PARD6B: variants seen among roughly 807,000 people sequenced by gnomAD.
PARD6B encodes the protein partitioning defective 6 homolog beta.
Under a neutral mutation model 10.5 loss-of-function variants are expected in PARD6B, and 4 were observed. The observed-to-expected ratio is 0.38, with a 90% CI of 0.19 to 0.87. The LOEUF is 0.87. PARD6B is among the 40% of genes least tolerant of loss of function. The pLI, the probability that PARD6B is intolerant of heterozygous loss-of-function variation, is 0.41. For synonymous variants in PARD6B, 169 were observed against 170.4 expected, an observed-to-expected ratio of 0.99 and a Z score of 0.07; for missense variants, 396 against 470.6, an observed-to-expected ratio of 0.84 and a Z score of 1.47.
In PARD6B at chr20:50,753,609, C is replaced by G. The variant is rs192761698; in HGVS notation, c.*3121C>G. 4,226 of 809,676 alleles carry G rather than the reference C, an allele frequency of 5.2e-3. 14 individuals carry two copies. The highest frequency in any genetic ancestry group is 6.1e-3 in the Non-Finnish European group (4,075 of 669,544). 50.2% of individuals were successfully genotyped at this position (809,676 alleles called of 1,614,324 possible). On this transcript the variant is annotated 3_prime_UTR_variant, in exon 3 of 3. Coordinates refer to ENST00000371610, the MANE Select transcript of PARD6B (RefSeq NM_032521.3). ...TGAATGATACTTTGTTTATAACTAT[C>G]AAATGTCAGTATTTTACTACAATTT...
chr20:50,749,740 A>G lies in PARD6B; in HGVS notation c.371A>G (p.Asn124Ser), dbSNP rs1406850025. 2 of 1,614,168 alleles carry G rather than the reference A, an allele frequency of 1.2e-6. No homozygotes were observed. The highest frequency in any genetic ancestry group is 1.1e-5 in the South Asian group (1 of 91,052). The change falls in exon 3 of 3, where the codon AAC (asparagine) becomes AGC (serine). Residue 124 changes from asparagine to serine, a missense_variant. By Grantham distance (46) the Asn-to-Ser change is conservative (BLOSUM62 1). Coordinates refer to ENST00000371610, the MANE Select transcript of PARD6B (RefSeq NM_032521.3). ...NVLTNVLRPD[N>S]HRKKPHIVIS... is the part of the protein sequence containing the mutation. The stretch of plus-strand genomic sequence containing the variant: ...TTAACCAACGTATTGCGTCCTGACA[A>G]CCATAGAAAAAAGCCACATATAGTC...
Position 50,751,825 on chromosome 20 carries a change from C to G in PARD6B, c.*1337C>G. ...CAAGCAATTCTCCTGCCTCAGCCTT[C>G]TGAGTAGCTAAGATTACAGGTGTGC... On this transcript the variant is annotated 3_prime_UTR_variant, in exon 3 of 3. Coordinates refer to ENST00000371610, the MANE Select transcript of PARD6B (RefSeq NM_032521.3). 1.1e-6 allele frequency: 1 copy of G among 910,734 alleles called. No homozygotes were observed. The highest frequency in any genetic ancestry group is 1.3e-6 in the Non-Finnish European group (1 of 763,322). 56.4% of individuals were successfully genotyped at this position (910,734 alleles called of 1,614,324 possible).
intron 1 of PARD6B, among the ~76,000 whole-genome samples, 162 bp from the exon 2 acceptor site, chr20:50,737,695 G>A (rs2087506936): frequency 6.6e-6 from 1 of 152,058 alleles, no homozygotes; most frequent in Admixed American, 6.6e-5. Context: ...GCCTTTCTTA[G>A]GCTTTTTAAA....
At position 50,751,031 on chromosome 20, in the gene PARD6B, A is replaced by G. The variant is rs201112385; in HGVS notation, c.*543A>G. ...GTTGCCCACACTGGAATGCAGTGGC[A>G]TGATCACAGCTCTCTGCAGCCTCAA... On this transcript the variant is annotated 3_prime_UTR_variant, in exon 3 of 3. Transcript: ENST00000371610. 34 of 593,598 alleles carry G rather than the reference A, an allele frequency of 5.7e-5. 1 individual carries two copies. The highest frequency in any genetic ancestry group is 7.0e-5 in the Non-Finnish European group (34 of 489,090). The allele number at this position is 593,598 out of a possible 1,614,324, so 36.8% of individuals were successfully genotyped here. A position where few individuals can be genotyped will look rare whatever the true frequency, so the allele number is the denominator to read the frequency against.
rs11467364 is a variant in PARD6B at position 50,751,350 on chromosome 20, CTTTTTTT to C, written c.*879_*885del. 682 of 707,318 alleles carry C rather than the reference CTTTTTTT, an allele frequency of 9.6e-4. No individual in the cohort carries two copies. The highest frequency in any genetic ancestry group is 1.0e-3 in the Non-Finnish European group (626 of 624,538). The allele number at this position is 707,318 out of a possible 1,614,324, so 43.8% of individuals were successfully genotyped here. On this transcript the variant is annotated 3_prime_UTR_variant, in exon 3 of 3. Transcript: ENST00000371610. ...ATTTCCAGTTTCTTTTCTTTTCTTT[CTTTTTTT>C]TTTTTTTTTTTTTTTTGAGATGGAG...
rs2087472115 is a variant in PARD6B at position 50,731,773 on chromosome 20, GC to G, written c.-13del. 1 of 1,451,462 alleles carries G rather than the reference GC, an allele frequency of 6.9e-7. No homozygotes were observed. The highest frequency in any genetic ancestry group is 1.5e-5 in the African/African-American group (1 of 67,674). 89.9% of individuals were successfully genotyped at this position (1,451,462 alleles called of 1,614,324 possible). The stretch of plus-strand genomic sequence containing the variant: ...CCCGGCCGGAGGAGGCCGTCGCGGG[GC>G]TCGGCGTTCAGCATGAACCGCAGCC... On this transcript the variant is annotated 5_prime_UTR_variant, in exon 1 of 3. Coordinates refer to ENST00000371610, the MANE Select transcript of PARD6B (RefSeq NM_032521.3).
Position 50,749,747 on chromosome 20 carries a change from A to G in PARD6B, c.378A>G (p.Arg126=). Residue 126 remains arginine, a synonymous_variant, in exon 3 of 3, where the codon AGA becomes AGG. Transcript: ENST00000371610. ...ACGTATTGCGTCCTGACAACCATAG[A>G]AAAAAGCCACATATAGTCATTAGTA... The part of the protein sequence containing the change: ...LTNVLRPDNH[R]KKPHIVISMP... 1.2e-6 allele frequency: 2 copies of G among 1,614,162 alleles called. No individual in the cohort carries two copies. The highest frequency in any genetic ancestry group is 1.7e-6 in the Non-Finnish European group (2 of 1,180,030).
In PARD6B at chr20:50,752,881, T is replaced by A; in HGVS notation, c.*2393T>A. 2 of 982,756 alleles carry A rather than the reference T, an allele frequency of 2.0e-6. No individual in the cohort carries two copies. The highest frequency in any genetic ancestry group is 1.2e-6 in the Non-Finnish European group (1 of 827,102). 60.9% of individuals were successfully genotyped at this position (982,756 alleles called of 1,614,324 possible). The stretch of plus-strand genomic sequence containing the variant: ...TTATGTAATACGTTGTACTTTTTGT[T>A]GAATTCACCGAAGTTCTTCCATTTA... On this transcript the variant is annotated 3_prime_UTR_variant, in exon 3 of 3. Coordinates refer to ENST00000371610, the MANE Select transcript of PARD6B (RefSeq NM_032521.3).
chr20:50,750,948 ATTTTGATT>A lies in PARD6B; in HGVS notation c.*465_*472del. The A allele has an allele frequency of 6.3e-6, 2 of 315,500 alleles. No individual in the cohort carries two copies. Among genetic ancestry groups the A allele is most frequent in the Non-Finnish European group, 7.5e-6 (2 of 265,884 alleles). 19.5% of individuals were successfully genotyped at this position (315,500 alleles called of 1,614,324 possible). On this transcript the variant is annotated 3_prime_UTR_variant, in exon 3 of 3. Transcript: ENST00000371610. ...AAAGGTCTCATGTTCCCAATATTTT[ATTTTGATT>A]TTTTTTTTTTTTTTTTTTTTTTTTT... is the stretch of plus-strand genomic sequence containing the variant.
chr20:50,751,849 G>A lies in PARD6B; in HGVS notation c.*1361G>A, dbSNP rs1361899974. 2.3e-6 allele frequency: 2 copies of A among 868,958 alleles called. No homozygotes were observed. Among genetic ancestry groups the A allele is most frequent in the African/African-American group, 3.7e-5 (2 of 54,462 alleles). The allele number at this position is 868,958 out of a possible 1,614,324, so 53.8% of individuals were successfully genotyped here. ...TCTGAGTAGCTAAGATTACAGGTGT[G>A]CGCCAACACGTCTGGCTTATTTTTT... On this transcript the variant is annotated 3_prime_UTR_variant, in exon 3 of 3. Coordinates refer to ENST00000371610, the MANE Select transcript of PARD6B (RefSeq NM_032521.3).
rs1301907858 is a variant in PARD6B, at chr20:50,753,392, C to T, written c.*2904C>T. ...GGCTGAATCAATTATTTCAAGTGCA[C>T]CTTATTAACAAAAGTATCAGTGGAT... is the stretch of plus-strand genomic sequence containing the variant. On this transcript the variant is annotated 3_prime_UTR_variant, in exon 3 of 3. Coordinates refer to ENST00000371610, the MANE Select transcript of PARD6B (RefSeq NM_032521.3). 5.1e-6 allele frequency: 5 copies of T among 984,360 alleles called. No individual in the cohort carries two copies. The highest frequency in any genetic ancestry group is 9.4e-5 in the South Asian group (2 of 21,256). 61.0% of individuals were successfully genotyped at this position (984,360 alleles called of 1,614,324 possible).
At chr20:50,746,536 C>T (rs1261148891) in intron 2 of PARD6B, among the ~76,000 whole-genome samples, 1 of 152,268 alleles carries the variant, frequency 6.6e-6, no homozygotes, top group Non-Finnish European at 1.5e-5. Context: ...GGTAGAAAGT[C>T]AACTCCAATT....
At position 50,735,203 on chromosome 20, in the gene PARD6B, C is replaced by G. The variant is rs4809811; in HGVS notation, c.67-2654C>G. On this transcript the variant is annotated intron_variant, in intron 1 of 2. Transcript: ENST00000371610. ...AGTAGTGTCAACATTATTATCTTCA[C>G]ACGTGGAAGGGAAAAATAGTAATGA... is the stretch of plus-strand genomic sequence containing the variant. 2.6e-5 allele frequency among the ~76,000 whole-genome samples: 4 copies of G among 151,986 alleles called. No individual in the cohort carries two copies. The East Asian group carries it at 7.7e-4, about 29-fold the overall frequency.
intron 2 of PARD6B, among the ~76,000 whole-genome samples, chr20:50,738,515 A>G (rs776697172): frequency 1.3e-5 from 2 of 152,270 alleles, no homozygotes; most frequent in Non-Finnish European, 2.9e-5. Context: ...AATACCAGAA[A>G]CAAAGCCATT....
chr20:50,747,489 C>CT (rs58629233), intron 2 of PARD6B, among the ~76,000 whole-genome samples: 812 of 33,362 alleles, frequency 0.024, 83 homozygotes, highest in African/African-American at 0.053. Context: ...TTCTTTCTTT[C>CT]TTTTTTTTTT....
rs548897301 is a variant in PARD6B, at chr20:50,739,829, G to A, written c.289+1750G>A. 8.7e-5 allele frequency among the ~76,000 whole-genome samples: 12 copies of A among 137,198 alleles called. No individual in the cohort carries two copies. The East Asian group carries it at 1.0e-3, about 11-fold the overall frequency. The allele number at this position is 137,198 out of a possible 152,430, so 90.0% of individuals were successfully genotyped here. A position where few individuals can be genotyped will look rare whatever the true frequency, so the allele number is the denominator to read the frequency against. Reference sequence around the variant, plus strand: ...TTACAGTAGAGAGCCAGGAGCAGGCGGTAAAGAAGTGAGGAGACTGGCCTA... The same window carrying A: ...TTACAGTAGAGAGCCAGGAGCAGGCAGTAAAGAAGTGAGGAGACTGGCCTA... On this transcript the variant is annotated intron_variant, in intron 2 of 2. Transcript: ENST00000371610.
At chr20:50,731,940 G>C in intron 1 of PARD6B, 88 bp downstream of exon 1, 1 of 1,169,050 alleles carries the variant, frequency 8.6e-7, no homozygotes, top group Non-Finnish European at 1.1e-6. Flanking sequence ...GCCGGGGGAG[G>C]CGACGGGCTG....
At chr20:50,744,820 T>G (rs2087556742) in intron 2 of PARD6B, among the ~76,000 whole-genome samples, 1 of 152,210 alleles carries the variant, frequency 6.6e-6, no homozygotes, top group Non-Finnish European at 1.5e-5. Flanking sequence ...CTTGCCTTAC[T>G]CCTACAAGCC....
chr20:50,752,794 C>A lies in PARD6B; in HGVS notation c.*2306C>A. The A allele has an allele frequency of 1.0e-6, 1 of 974,906 alleles. No homozygotes were observed. Among genetic ancestry groups the A allele is most frequent in the Non-Finnish European group, 1.2e-6 (1 of 820,006 alleles). 60.4% of individuals were successfully genotyped at this position (974,906 alleles called of 1,614,324 possible). A position where few individuals can be genotyped will look rare whatever the true frequency, so the allele number is the denominator to read the frequency against. ...GAAGATCACTTGACTCAGAATACTT[C>A]AATGTATTTTGTTCACATTACCACT... On this transcript the variant is annotated 3_prime_UTR_variant, in exon 3 of 3. Transcript: ENST00000371610.
Sources: allele counts gnomAD v4.1 joint callset (sites outside exome capture counted in the v4.1 genomes callset), GRCh38; gene constraint gnomAD v4.1.1; transcripts MANE v1.5; gene names NCBI Gene and HGNC (gene_info 2026-07-23, HGNC 2026-07-21).